Variants in LARS2 observed in about 807,000 individuals in gnomAD.
LARS2 encodes leucine--tRNA ligase, mitochondrial.
A neutral mutation model predicts 116.6 loss-of-function variants in LARS2; 81 were observed. The observed-to-expected ratio is 0.69, with a 90% CI of 0.58 to 0.84. The LOEUF (loss-of-function observed/expected upper bound fraction) is 0.84, where lower values mean the gene tolerates loss of function less well. Among genes scored for constraint, LARS2 ranks in the 40% least tolerant of loss-of-function variants. The probability of loss-of-function intolerance (pLI) is 0.00; values close to 1 mark genes in which losing one functional copy is unlikely to be tolerated. For missense variants in LARS2, 968 were observed against 1,114.5 expected (o/e 0.87, Z 1.87); for synonymous variants, 396 against 407.2 (o/e 0.97, Z 0.33).
At chr3:45,494,553 C>G (rs1699976492) in intron 13 of LARS2, among the ~76,000 whole-genome samples, 2 of 152,180 alleles carry the variant, frequency 1.3e-5, no homozygotes, top group South Asian at 4.1e-4. Context: ...GCTATGGCTT[C>G]CCACTGCCAC....
At chr3:45,482,166 T>C (rs556406491) in intron 10 of LARS2, among the ~76,000 whole-genome samples, 93 of 152,354 alleles carry the variant, frequency 6.1e-4, no homozygotes, top group African/African-American at 2.1e-3. Context: ...AGAAAACATT[T>C]CTGTGTTTTC....
At chr3:45,468,729 G>A (rs1699475076) in intron 8 of LARS2, among the ~76,000 whole-genome samples, 1 of 152,216 alleles carries the variant, frequency 6.6e-6, no homozygotes, top group Non-Finnish European at 1.5e-5. Flanking sequence ...TGTAACCTGA[G>A]TGGATATGTG....
chr3:45,448,110 G>A (rs1699052179), intron 7 of LARS2, among the ~76,000 whole-genome samples: 1 of 152,108 alleles, frequency 6.6e-6, no homozygotes, highest in African/African-American at 2.4e-5. Flanking sequence ...ATTAGTCCCA[G>A]TTACTCAAGA....
intron 4 of LARS2, among the ~76,000 whole-genome samples, chr3:45,400,915 G>A (rs1379257545): frequency 4.6e-5 from 7 of 151,772 alleles, no homozygotes; most frequent in African/African-American, 1.7e-4. Context: ...CCGGGTTCAC[G>A]CCATTCTCCT....
At chr3:45,423,331 T>C (rs1290312574) in intron 6 of LARS2, among the ~76,000 whole-genome samples, 2 of 152,132 alleles carry the variant, frequency 1.3e-5, no homozygotes, top group African/African-American at 4.8e-5. Context: ...TTTTGTTTTT[T>C]AGACAGGGTC....
chr3:45,458,875 G>A lies in LARS2; in HGVS notation c.739G>A (p.Ala247Thr), dbSNP rs142506388. ...YLRQWFIKTT[A>T]YAKAMQDALA... is the part of the protein sequence containing the mutation. ...CAGACAATGGTTTATTAAGACAACCGCTTATGCAAAGGTGAGTGTCAGCCT... is the reference window on the plus strand; with the variant it reads ...CAGACAATGGTTTATTAAGACAACCACTTATGCAAAGGTGAGTGTCAGCCT... Residue 247 changes from alanine to threonine, a missense_variant, in exon 8 of 22, where the codon GCT becomes ACT. By Grantham distance (58) the Ala-to-Thr change is moderately conservative. Transcript: ENST00000645846. 6.1e-5 allele frequency: 98 copies of A among 1,613,846 alleles called. No homozygotes were observed. Among genetic ancestry groups the A allele is most frequent in the Admixed American group, 8.3e-5 (5 of 59,988 alleles).
chr3:45,534,102 G>A (rs534305416), intron 20 of LARS2, among the ~76,000 whole-genome samples: 6 of 152,182 alleles, frequency 3.9e-5, no homozygotes, highest in Non-Finnish European at 8.8e-5. Flanking sequence ...AAGTTTTACA[G>A]ATCTATAGCA....
At chr3:45,454,153 G>A (rs990788192) in intron 7 of LARS2, among the ~76,000 whole-genome samples, 1 of 152,138 alleles carries the variant, frequency 6.6e-6, no homozygotes. Flanking sequence ...TCACAGATAG[G>A]AAAGCTGATA....
intron 6 of LARS2, among the ~76,000 whole-genome samples, chr3:45,425,276 A>G (rs1468820598): frequency 6.6e-6 from 1 of 152,168 alleles, no homozygotes; most frequent in Non-Finnish European, 1.5e-5. Flanking sequence ...GCACCTGTAG[A>G]TTCTCCCTCA....
chr3:45,537,550 A>G (rs1043467680), intron 20 of LARS2, among the ~76,000 whole-genome samples: 1 of 152,246 alleles, frequency 6.6e-6, no homozygotes, highest in African/African-American at 2.4e-5. Flanking sequence ...TGCTGTGTAG[A>G]TGTTGCTGTT....
intron 8 of LARS2, among the ~76,000 whole-genome samples, chr3:45,470,495 G>A (rs2125716187): frequency 6.6e-6 from 1 of 152,202 alleles, no homozygotes; most frequent in Non-Finnish European, 1.5e-5. Context: ...CGTTCAGATG[G>A]TGTACCCTAG....
rs180872288 is a variant in LARS2 at position 45,465,233 on chromosome 3, A to G, written c.750+6347A>G. ...ATAGTTAAATTCTGCTCCTTCTTAC[A>G]TAATATCTCCTGCTTCTGTTTTCTG... On this transcript the variant is annotated intron_variant, in intron 8 of 21. Transcript: ENST00000645846. Among the ~76,000 whole-genome samples the G allele has an allele frequency of 3.0e-3, 455 of 152,266 alleles. 1 individual carries two copies. Among genetic ancestry groups the G allele is most frequent in the African/African-American group, 0.01 (433 of 41,554 alleles).
At chr3:45,418,326 A>G (rs1698462551) in intron 5 of LARS2, among the ~76,000 whole-genome samples, 3 of 152,304 alleles carry the variant, frequency 2.0e-5, no homozygotes, top group Admixed American at 1.3e-4. Context: ...CCAAGGATAC[A>G]TTGTAAAAGC....
chr3:45,474,169 A>G, intron 8 of LARS2, 74 bp from the exon 9 acceptor site: 1 of 904,054 alleles, frequency 1.1e-6, no homozygotes, highest in Admixed American at 2.1e-5. Flanking sequence ...CTACCTTAAC[A>G]AGCTGCAAAT....
chr3:45,444,105 C>T (rs1190216936), intron 6 of LARS2, among the ~76,000 whole-genome samples: 8 of 150,702 alleles, frequency 5.3e-5, no homozygotes, highest in Middle Eastern at 6.8e-3. Flanking sequence ...CCTGGGTTCA[C>T]GCCCTTCTCC....
At position 45,523,980 on chromosome 3, in the gene LARS2, T is replaced by C; in HGVS notation, c.2293-17T>C. 1 of 1,599,552 alleles carries C rather than the reference T, an allele frequency of 6.3e-7. No homozygotes were observed. The highest frequency in any genetic ancestry group is 8.6e-7 in the Non-Finnish European group (1 of 1,166,870). ...TTTTACACCTCAGTCTTCTTACTTT[T>C]TTTTCCTCTTCCTTAGCAAGCCTCT... On this transcript the variant is annotated splice_polypyrimidine_tract_variant and intron_variant, in intron 19 of 21. Transcript: ENST00000645846.
chr3:45,491,579 A>AGTGGGT lies in LARS2; in HGVS notation c.1304_1309dup (p.Val435_Gly436dup). On this transcript the variant is annotated inframe_insertion, in exon 13 of 22. Transcript: ENST00000645846. ...TGACTCAGAAAGCCCGGGGGAAGAG[A>AGTGGGT]GTGGGTGGAGACGTGACAAGTGATA... 2 of 1,614,014 alleles carry AGTGGGT rather than the reference A, an allele frequency of 1.2e-6. No homozygotes were observed. Among genetic ancestry groups the AGTGGGT allele is most frequent in the Non-Finnish European group, 1.7e-6 (2 of 1,179,986 alleles).
intron 9 of LARS2, among the ~76,000 whole-genome samples, chr3:45,475,270 C>G (rs1321226412): frequency 6.6e-6 from 1 of 152,208 alleles, no homozygotes; most frequent in African/African-American, 2.4e-5. Context: ...CCGCTTGCCA[C>G]TCAGCTTATA....
At chr3:45,411,347 G>C (rs758110943) in intron 4 of LARS2, among the ~76,000 whole-genome samples, 1 of 152,224 alleles carries the variant, frequency 6.6e-6, no homozygotes, top group Non-Finnish European at 1.5e-5. Context: ...TTATGCACCC[G>C]AGGTTGATCA....
Sources: allele counts gnomAD v4.1 joint callset (sites outside exome capture counted in the v4.1 genomes callset), GRCh38; gene constraint gnomAD v4.1.1; transcripts MANE v1.5; gene names NCBI Gene and HGNC (gene_info 2026-07-23, HGNC 2026-07-21).